EPS8L3: variants seen among roughly 807,000 people sequenced by gnomAD.
EPS8L3 encodes EPS8 signaling adaptor L3.
In EPS8L3, 80 loss-of-function variants were observed where a neutral mutation model predicts 88.5. The ratio of observed to expected loss-of-function variants is 0.90; its 90% CI spans 0.75 to 1.09. EPS8L3 has a LOEUF of 1.09. EPS8L3 is among the 50% of genes least tolerant of loss of function. The pLI, the probability that EPS8L3 is intolerant of heterozygous loss-of-function variation, is 0.00. For synonymous variants in EPS8L3, 286 were observed against 291.0 expected, an observed-to-expected ratio of 0.98 and a Z score of 0.18; for missense variants, 721 against 735.2, an observed-to-expected ratio of 0.98 and a Z score of 0.22.
intron 12 of EPS8L3, 101 bp from the exon 13 acceptor site, chr1:109,753,299 A>G (rs1649983228): frequency 1.1e-6 from 1 of 946,138 alleles, no homozygotes; most frequent in African/African-American, 1.7e-5. Flanking sequence ...TAGCCTCAGG[A>G]ATCTTTTGGC....
intron 15 of EPS8L3, 34 bp from the exon 16 acceptor site, chr1:109,751,816 T>A: frequency 6.2e-7 from 1 of 1,610,278 alleles, no homozygotes; most frequent in African/African-American, 1.3e-5. Flanking sequence ...CCCCTGAGCC[T>A]CTTTCCAGCC....
At chr1:109,754,856 C>G (rs1484399430) in intron 12 of EPS8L3, among the ~76,000 whole-genome samples, 1 of 152,192 alleles carries the variant, frequency 6.6e-6, no homozygotes, top group Non-Finnish European at 1.5e-5. Context: ...CTGGCTTATT[C>G]AGGTACTCTT....
intron 12 of EPS8L3, among the ~76,000 whole-genome samples, chr1:109,753,757 C>T (rs149311456): frequency 1.3e-5 from 2 of 152,280 alleles, no homozygotes; most frequent in East Asian, 3.9e-4. Context: ...CTGTTTGTGG[C>T]CTTCAGGCTT....
intron 12 of EPS8L3, 64 bp from the exon 13 acceptor site, chr1:109,753,262 C>T (rs528485454): frequency 4.0e-5 from 56 of 1,396,360 alleles, no homozygotes; most frequent in African/African-American, 3.7e-4. Flanking sequence ...GGCTGTGGGA[C>T]GCGGACAGGG....
chr1:109,753,039 C>T, intron 13 of EPS8L3, 78 bp downstream of exon 13: 1 of 1,309,278 alleles, frequency 7.6e-7, no homozygotes, highest in Non-Finnish European at 1.1e-6. Context: ...AGTTGTGTGA[C>T]CATGGTTTGG....
rs373974273 is a variant in EPS8L3 at position 109,758,568 on chromosome 1, G to A, written c.557C>T (p.Pro186Leu). The A allele has an allele frequency of 1.4e-5, 23 of 1,613,096 alleles. No homozygotes were observed. Among genetic ancestry groups the A allele is most frequent in the African/African-American group, 9.3e-5 (7 of 75,020 alleles). The stretch of plus-strand genomic sequence containing the variant: ...GTGGGGCTGTTCTGGAGGGATCCCC[G>A]GCTCCAGATAGCGTGCCTGCTCCAT... ...LPMEQARYLEPGIPPEQPHQR... is the reference protein window; with the variant it reads ...LPMEQARYLELGIPPEQPHQR... The change falls in exon 7 of 19, where the codon CCG becomes CTG. Residue 186 changes from proline to leucine, a missense_variant. Physicochemically the swap from Pro to Leu is moderately conservative, Grantham distance 98. Transcript: ENST00000361965.
chr1:109,756,397 C>A lies in EPS8L3; in HGVS notation c.1118+620G>T, dbSNP rs1033138301. Among the ~76,000 whole-genome samples the A allele has an allele frequency of 9.2e-4, 140 of 152,346 alleles. 1 individual carries two copies. Among genetic ancestry groups the A allele is most frequent in the Non-Finnish European group, 3.8e-4 (26 of 68,032 alleles). ...GGGTTTACAGGCATGCACCACTACACCCAGCTAATTTTGTATATTTAGAAG... is the reference window on the plus strand; with the variant it reads ...GGGTTTACAGGCATGCACCACTACAACCAGCTAATTTTGTATATTTAGAAG... On this transcript the variant is annotated intron_variant, in intron 12 of 18. Transcript: ENST00000361965.
Position 109,761,741 on chromosome 1 carries a change from C to T in EPS8L3, c.9G>A (p.Arg3=). The change falls in exon 2 of 19, where the codon AGG becomes AGA. Residue 3 remains arginine, a synonymous_variant. Transcript: ENST00000361965. The stretch of plus-strand genomic sequence containing the variant: ...TACAGTAAATGGCTCTGCTGCTGGG[C>T]CTTGACATGTTGACGCTGCTGAGGA... MS[R]PSSRAIYLHR... The T allele has an allele frequency of 1.9e-6, 3 of 1,613,948 alleles. No individual in the cohort carries two copies. Among genetic ancestry groups the T allele is most frequent in the Non-Finnish European group, 2.5e-6 (3 of 1,179,974 alleles).
rs752124983 is a variant in EPS8L3, at chr1:109,759,381, G to T, written c.262C>A (p.Leu88Met). 6.2e-7 allele frequency: 1 copy of T among 1,613,756 alleles called. No homozygotes were observed. The highest frequency in any genetic ancestry group is 2.2e-5 in the East Asian group (1 of 44,884). ...QLLDIETKEE[L>M]DSYRLDSIQA... ...ATGCTGTCTAGGCGGTAAGAGTCCA[G>T]CTCCTCCTGGGCCAGGTGGAGAGGT... is the stretch of plus-strand genomic sequence containing the variant. The change falls in exon 5 of 19, where the codon CTG becomes ATG. Residue 88 changes from leucine to methionine, a missense_variant. Leu to Met is a conservative substitution (Grantham distance 15). Coordinates refer to ENST00000361965, the MANE Select transcript of EPS8L3 (RefSeq NM_133181.4). The surrounding 1 kb of genome is among the most constrained non-coding windows in gnomAD (Gnocchi z 4.2).
At chr1:109,752,817 C>G (rs1649934138) in intron 13 of EPS8L3, 97 bp from the exon 14 acceptor site, 5 of 1,099,732 alleles carry the variant, frequency 4.5e-6, no homozygotes, top group Non-Finnish European at 6.8e-6. Flanking sequence ...GCAGCTCACA[C>G]ACAGCTGCCT....
rs1313699537 is a variant in EPS8L3 at position 109,759,180 on chromosome 1, TGTGGTGGG to T, written c.405+50_405+57del. The T allele has an allele frequency of 5.6e-6, 7 of 1,246,672 alleles. No individual in the cohort carries two copies. Among genetic ancestry groups the T allele is most frequent in the Non-Finnish European group, 7.9e-6 (7 of 890,698 alleles). The allele number at this position is 1,246,672 out of a possible 1,614,324, so 77.2% of individuals were successfully genotyped here. On this transcript the variant is annotated intron_variant, in intron 5 of 18. Coordinates refer to ENST00000361965, the MANE Select transcript of EPS8L3 (RefSeq NM_133181.4). The surrounding 1 kb of genome is among the most constrained non-coding windows in gnomAD (Gnocchi z 4.2). ...GTGTGTGTGTGTGTGTGTGTGTGTG[TGTGGTGGG>T]GTGATGGTCGATGAACCCCACCCCT...
Position 109,750,273 on chromosome 1 carries a change from G to T in EPS8L3, c.*118C>A. Reference sequence around the variant, plus strand: ...CCATTGTTTTTGCTGTGTGAGCTGGGGTGTGGGGTTTGCTGCAAACTGGGA... The same window carrying T: ...CCATTGTTTTTGCTGTGTGAGCTGGTGTGTGGGGTTTGCTGCAAACTGGGA... On this transcript the variant is annotated 3_prime_UTR_variant, in exon 19 of 19. Coordinates refer to ENST00000361965, the MANE Select transcript of EPS8L3 (RefSeq NM_133181.4). 1 of 1,232,456 alleles carries T rather than the reference G, an allele frequency of 8.1e-7. No homozygotes were observed. Among genetic ancestry groups the T allele is most frequent in the Non-Finnish European group, 1.2e-6 (1 of 856,500 alleles). 76.3% of individuals were successfully genotyped at this position (1,232,456 alleles called of 1,614,324 possible).
At position 109,758,208 on chromosome 1, in the gene EPS8L3, C is replaced by A. The variant is rs958240842; in HGVS notation, c.717+108G>T. On this transcript the variant is annotated intron_variant, in intron 8 of 18. Transcript: ENST00000361965. The stretch of plus-strand genomic sequence containing the variant: ...AGCCTCTCTGGCCTCCTGGCCCAGG[C>A]CCTGGCCATCCTGGGACCCTGGCCT... 7.6e-6 allele frequency: 10 copies of A among 1,313,046 alleles called. No homozygotes were observed. In the African/African-American group the frequency reaches 1.5e-4, roughly 19 times the overall value. 81.3% of individuals were successfully genotyped at this position (1,313,046 alleles called of 1,614,324 possible).
At position 109,761,526 on chromosome 1, in the gene EPS8L3, G is replaced by A. The variant is rs149169025; in HGVS notation, c.65C>T (p.Ser22Leu). 12 of 1,613,520 alleles carry A rather than the reference G, an allele frequency of 7.4e-6. No homozygotes were observed. Among genetic ancestry groups the A allele is most frequent in the Non-Finnish European group, 9.3e-6 (11 of 1,179,746 alleles). The change falls in exon 3 of 19, where the codon TCA (serine) becomes TTA (leucine). Residue 22 changes from serine (S) to leucine (L), a missense_variant. Physicochemically the swap from Ser to Leu is moderately radical, Grantham distance 145. Coordinates refer to ENST00000361965, the MANE Select transcript of EPS8L3 (RefSeq NM_133181.4). ...HRKEYSQNLTSEPTLLQHRVE... is the reference protein window; with the variant it reads ...HRKEYSQNLTLEPTLLQHRVE... ...CCTGTGCTGCAGGAGGGTGGGCTCTGAGGTGAGGTTCTGGGAGTACTCCTT... is the reference window on the plus strand; with the variant it reads ...CCTGTGCTGCAGGAGGGTGGGCTCTAAGGTGAGGTTCTGGGAGTACTCCTT...
At position 109,759,636 on chromosome 1, in the gene EPS8L3, C is replaced by T. The variant is rs1361294073; in HGVS notation, c.255+42G>A. ...TCAAGAGCTAGTGCTTGCTTCCCCA[C>T]AGCCCAGGCTGGCTATCACTGGGTT... is the stretch of plus-strand genomic sequence containing the variant. On this transcript the variant is annotated intron_variant, in intron 4 of 18. Coordinates refer to ENST00000361965, the MANE Select transcript of EPS8L3 (RefSeq NM_133181.4). The surrounding 1 kb of genome is among the most constrained non-coding windows in gnomAD (Gnocchi z 4.2). 4 of 1,601,822 alleles carry T rather than the reference C, an allele frequency of 2.5e-6. No homozygotes were observed. The highest frequency in any genetic ancestry group is 1.7e-5 in the Admixed American group (1 of 59,332).
At position 109,758,030 on chromosome 1, in the gene EPS8L3, A is replaced by G. The variant is rs749489904; in HGVS notation, c.746T>C (p.Ile249Thr). The stretch of plus-strand genomic sequence containing the variant: ...CTCCAGCTTTCCCATGAACAGCTCA[A>G]TGTCCCTTAGGACATGGTTCAGCAC... ...EEVLNHVLRDIELFMGKLEKA... is the reference protein window; with the variant it reads ...EEVLNHVLRDTELFMGKLEKA... The change falls in exon 9 of 19, where the codon ATT becomes ACT. Residue 249 changes from isoleucine to threonine, a missense_variant. Ile to Thr is a moderately conservative substitution (Grantham distance 89, BLOSUM62 -1). Coordinates refer to ENST00000361965, the MANE Select transcript of EPS8L3 (RefSeq NM_133181.4). 1.2e-6 allele frequency: 2 copies of G among 1,614,144 alleles called. No homozygotes were observed. Among genetic ancestry groups the G allele is most frequent in the Non-Finnish European group, 1.7e-6 (2 of 1,180,018 alleles).
intron 7 of EPS8L3, 24 bp from the exon 8 acceptor site, chr1:109,758,455 C>A: frequency 6.3e-7 from 1 of 1,577,166 alleles, no homozygotes; most frequent in South Asian, 1.2e-5. Context: ...GGACCATGGA[C>A]CTAGATCTTA....
chr1:109,756,773 A>C (rs1013349582), intron 12 of EPS8L3, among the ~76,000 whole-genome samples: 1 of 152,198 alleles, frequency 6.6e-6, no homozygotes, highest in African/African-American at 2.4e-5. Flanking sequence ...TCTTGGGAAA[A>C]ACTGTTCTTT....
Position 109,759,533 on chromosome 1 carries a change from T to G in EPS8L3, c.255+145A>C. Reference sequence around the variant, plus strand: ...CTTGTGCCTCTGTCCCCAGCCTCTGTCCCCTGTCTCTTCCTAGGCTTGGGT... The same window carrying G: ...CTTGTGCCTCTGTCCCCAGCCTCTGGCCCCTGTCTCTTCCTAGGCTTGGGT... On this transcript the variant is annotated intron_variant, in intron 4 of 18. Transcript: ENST00000361965. The surrounding 1 kb of genome is among the most constrained non-coding windows in gnomAD (Gnocchi z 4.2). 6.7e-7 allele frequency: 1 copy of G among 1,485,666 alleles called. No homozygotes were observed. Among genetic ancestry groups the G allele is most frequent in the Non-Finnish European group, 9.1e-7 (1 of 1,102,736 alleles). The allele number at this position is 1,485,666 out of a possible 1,614,324, so 92.0% of individuals were successfully genotyped here. A position where few individuals can be genotyped will look rare whatever the true frequency, so the allele number is the denominator to read the frequency against.
Sources: gnomAD v4.1 joint callset for allele counts (sites outside exome capture counted in the v4.1 genomes callset) on GRCh38, gnomAD v4.1.1 for gene constraint, Gnocchi (gnomAD v3.1) non-coding constraint, MANE v1.5 for transcripts, NCBI Gene and HGNC (gene_info 2026-07-23, HGNC 2026-07-21) for gene names.